FGF12: variants seen among roughly 807,000 people sequenced by gnomAD.
FGF12 encodes fibroblast growth factor 12B.
A neutral mutation model predicts 23.6 loss-of-function variants in FGF12; 14 were observed. That is an observed-to-expected ratio of 0.59 (90% CI 0.39 to 0.93). The LOEUF (loss-of-function observed/expected upper bound fraction) is 0.93. Ranked by LOEUF, FGF12 falls within the 40% of genes least tolerant of loss-of-function variation. The pLI, the probability that FGF12 is intolerant of heterozygous loss-of-function variation, is 0.00. For missense variants in FGF12, 175 were observed against 217.8 expected, an observed-to-expected ratio of 0.80 and a Z score of 1.24; for synonymous variants, 62 against 77.3, an observed-to-expected ratio of 0.80 and a Z score of 1.04.
At chr3:192,260,379 A>G (rs555473194) in intron 4 of FGF12, among the ~76,000 whole-genome samples, 1 of 152,336 alleles carries the variant, frequency 6.6e-6, no homozygotes, top group East Asian at 1.9e-4. Context: ...GCCAACTAAT[A>G]GTGTTTATTC....
intron 2 of FGF12, among the ~76,000 whole-genome samples, chr3:192,412,738 C>T (rs910420862): frequency 3.9e-5 from 6 of 152,118 alleles, no homozygotes; most frequent in Admixed American, 6.5e-5. Context: ...TATAGAAATT[C>T]GTAGGTTTCC....
At position 192,362,966 on chromosome 3, in the gene FGF12, A is replaced by T. The variant is rs186740464; in HGVS notation, c.14-2428T>A. 3.9e-5 allele frequency among the ~76,000 whole-genome samples: 6 copies of T among 152,264 alleles called. No homozygotes were observed. In the East Asian group the frequency reaches 1.2e-3, roughly 30 times the overall value. On this transcript the variant is annotated intron_variant, in intron 2 of 5. Coordinates refer to ENST00000445105, the MANE Select transcript of FGF12 (RefSeq NM_004113.6). ...GCAACTGTCTTACAATTCACACTGT[A>T]TTTCTAATAAGCTTGATAAAGTCAC...
At chr3:192,149,448 A>G (rs561773383) in intron 5 of FGF12, among the ~76,000 whole-genome samples, 3 of 122,836 alleles carry the variant, frequency 2.4e-5, no homozygotes, top group Non-Finnish European at 3.4e-5. Context: ...ATATCTCCCA[A>G]TGCTATCCCT....
intron 2 of FGF12, among the ~76,000 whole-genome samples, chr3:192,491,505 G>T (rs1455431636): frequency 6.6e-6 from 1 of 152,074 alleles, no homozygotes. Flanking sequence ...AAAATGTGAT[G>T]AACTTATTTA....
intron 4 of FGF12, among the ~76,000 whole-genome samples, chr3:192,327,179 C>A (rs1019672813): frequency 6.6e-6 from 1 of 152,078 alleles, no homozygotes; most frequent in Admixed American, 6.6e-5. Context: ...CACAGAGTTG[C>A]GGTGAAATTA....
intron 2 of FGF12, among the ~76,000 whole-genome samples, chr3:192,365,463 A>G (rs528136553): frequency 6.6e-6 from 1 of 152,096 alleles, no homozygotes; most frequent in Non-Finnish European, 1.5e-5. Flanking sequence ...CTGTAATGAT[A>G]TAGATTCTTC....
chr3:192,676,451 T>C (rs1717330669), intron 2 of FGF12, among the ~76,000 whole-genome samples: 1 of 152,212 alleles, frequency 6.6e-6, no homozygotes, highest in African/African-American at 2.4e-5. Flanking sequence ...GAGGTAGACC[T>C]CAAGCTTCCT....
chr3:192,595,876 C>G (rs1402003094), intron 2 of FGF12, among the ~76,000 whole-genome samples: 1 of 152,054 alleles, frequency 6.6e-6, no homozygotes, highest in Non-Finnish European at 1.5e-5. Context: ...GGGTGGATTA[C>G]TTGAGCTAAA....
At chr3:192,327,549 G>C (rs530409866) in intron 4 of FGF12, among the ~76,000 whole-genome samples, 1 of 136,680 alleles carries the variant, frequency 7.3e-6, no homozygotes, top group Non-Finnish European at 1.6e-5. Flanking sequence ...ACAAATCATC[G>C]CTATAGTTTG....
intron 2 of FGF12, among the ~76,000 whole-genome samples, chr3:192,505,409 A>G (rs989959419): frequency 3.3e-5 from 5 of 152,204 alleles, no homozygotes; most frequent in Non-Finnish European, 7.3e-5. Flanking sequence ...CAATATATGT[A>G]CCTCTTTCCA....
chr3:192,604,318 C>T (rs1489883611), intron 2 of FGF12, among the ~76,000 whole-genome samples: 2 of 152,114 alleles, frequency 1.3e-5, no homozygotes, highest in African/African-American at 2.4e-5. Flanking sequence ...ACATCCTCAG[C>T]TTATGAAGAT....
chr3:192,463,486 C>T (rs1030095778), intron 2 of FGF12, among the ~76,000 whole-genome samples: 2 of 152,118 alleles, frequency 1.3e-5, no homozygotes, highest in Non-Finnish European at 1.5e-5. Context: ...AAAGACATAC[C>T]TTGTTTCCAT....
At chr3:192,359,134 C>G (rs1718608140) in intron 3 of FGF12, among the ~76,000 whole-genome samples, 1 of 152,034 alleles carries the variant, frequency 6.6e-6, no homozygotes, top group Non-Finnish European at 1.5e-5. Flanking sequence ...GCCAACAATG[C>G]AAACCAAAAT....
intron 2 of FGF12, among the ~76,000 whole-genome samples, chr3:192,456,781 T>C (rs1013058399): frequency 6.6e-6 from 1 of 152,210 alleles, no homozygotes; most frequent in Non-Finnish European, 1.5e-5. Flanking sequence ...AGTTCAACCA[T>C]ACTGCAGTGA....
At chr3:192,159,943 A>T (rs954050498) in intron 5 of FGF12, among the ~76,000 whole-genome samples, 1 of 149,324 alleles carries the variant, frequency 6.7e-6, no homozygotes, top group African/African-American at 2.5e-5. Flanking sequence ...ATATTTAAGT[A>T]GTGTGTGTGT....
At chr3:192,206,030 G>C (rs1251510489) in intron 4 of FGF12, among the ~76,000 whole-genome samples, 1 of 152,198 alleles carries the variant, frequency 6.6e-6, no homozygotes, top group African/African-American at 2.4e-5. Flanking sequence ...GGAAGTTGAA[G>C]ATGACTCCAA....
intron 2 of FGF12, among the ~76,000 whole-genome samples, chr3:192,631,120 T>C (rs962719281): frequency 6.6e-6 from 1 of 152,174 alleles, no homozygotes; most frequent in Non-Finnish European, 1.5e-5. Flanking sequence ...ATTGCCACTT[T>C]TTTTGCCTTT....
chr3:192,293,676 C>G (rs750926894), intron 4 of FGF12, among the ~76,000 whole-genome samples: 1 of 152,178 alleles, frequency 6.6e-6, no homozygotes, highest in Non-Finnish European at 1.5e-5. Context: ...ACCTTTCAAA[C>G]GTTCCTTCTT....
At chr3:192,387,718 A>AATATATATATATATATAT (rs61165047) in intron 2 of FGF12, among the ~76,000 whole-genome samples, 1 of 147,488 alleles carries the variant, frequency 6.8e-6, no homozygotes, top group Non-Finnish European at 1.5e-5. Context: ...ACACACACAC[A>AATATATATATATATATAT]ATATATATAT....
Sources: allele counts gnomAD v4.1 joint callset (sites outside exome capture counted in the v4.1 genomes callset), GRCh38; gene constraint gnomAD v4.1.1; transcripts MANE v1.5; gene names NCBI Gene and HGNC (gene_info 2026-07-23, HGNC 2026-07-21).